Variants in CIAO2A observed in about 807,000 individuals in gnomAD.
CIAO2A encodes the protein cytosolic iron-sulfur assembly component 2A, also known as MIP18 family protein FAM96A.
CIAO2A carries 17 observed loss-of-function variants against 22.4 expected under a neutral mutation model. That is an observed-to-expected ratio of 0.76 (90% CI 0.52 to 1.14). CIAO2A has a LOEUF of 1.14. Ranked by LOEUF, CIAO2A falls within the 50% of genes most tolerant of loss-of-function variation. The pLI, the probability that CIAO2A is intolerant of heterozygous loss-of-function variation, is 0.00. For synonymous variants in CIAO2A, 74 were observed against 72.3 expected (o/e 1.02, Z -0.12); for missense variants, 192 against 191.4 (o/e 1.00, Z -0.02).
chr15:64,089,853 A>G (rs1313645852), intron 1 of CIAO2A, among the ~76,000 whole-genome samples: 4 of 152,240 alleles, frequency 2.6e-5, no homozygotes, highest in Non-Finnish European at 5.9e-5. Flanking sequence ...GGTGGGGCAT[A>G]GAGCAAATGA....
chr15:64,088,893 C>G (rs1364224825), intron 1 of CIAO2A, 42 bp from the exon 2 acceptor site: 3 of 1,558,482 alleles, frequency 1.9e-6, no homozygotes, highest in South Asian at 1.2e-5. Context: ...TAAAACATGA[C>G]TATTCTAAAT....
chr15:64,081,041 AATT>A (rs1464262434), intron 3 of CIAO2A, 58 bp downstream of exon 3: 11 of 1,511,122 alleles, frequency 7.3e-6, no homozygotes, highest in Admixed American at 1.7e-5. Flanking sequence ...GTGGTATGTG[AATT>A]ATATCTCAAC....
intron 4 of CIAO2A, chr15:64,073,805 T>C (rs2080693908): frequency 6.6e-6 from 1 of 152,202 alleles, no homozygotes; most frequent in African/African-American, 2.4e-5. Flanking sequence ...CCCAGGCTAG[T>C]CTTGAAATCC....
intron 2 of CIAO2A, among the ~76,000 whole-genome samples, chr15:64,086,555 T>C (rs114933370): frequency 0.011 from 1,730 of 152,040 alleles, 30 homozygotes; most frequent in African/African-American, 0.04. Flanking sequence ...TCACAAATTG[T>C]CCAATGACCA....
At chr15:64,074,616 C>T (rs1391847930) in intron 4 of CIAO2A, 1 of 152,134 alleles carries the variant, frequency 6.6e-6, no homozygotes. Flanking sequence ...ATAAATAGGG[C>T]ATGGTTTTTA....
chr15:64,091,539 T>C (rs1204885517), intron 1 of CIAO2A, among the ~76,000 whole-genome samples: 1 of 151,020 alleles, frequency 6.6e-6, no homozygotes, highest in Non-Finnish European at 1.5e-5. Flanking sequence ...GGCAAGAAAG[T>C]CGACAAAGCT....
intron 2 of CIAO2A, among the ~76,000 whole-genome samples, chr15:64,086,953 C>T (rs955618171): frequency 2.1e-5 from 3 of 142,192 alleles, no homozygotes; most frequent in Non-Finnish European, 3.1e-5. Flanking sequence ...CTCTTGTTGC[C>T]CAGGTTGGTG....
At chr15:64,077,285 G>A (rs995486821) in intron 3 of CIAO2A, among the ~76,000 whole-genome samples, 1 of 148,982 alleles carries the variant, frequency 6.7e-6, no homozygotes, top group Non-Finnish European at 1.5e-5. Flanking sequence ...GTGACAGAGC[G>A]AGACTCCGTC....
At chr15:64,088,882 T>A (rs759190098) in intron 1 of CIAO2A, 31 bp from the exon 2 acceptor site, 1 of 1,580,734 alleles carries the variant, frequency 6.3e-7, no homozygotes, top group Admixed American at 1.9e-5. Flanking sequence ...AGATATTCTA[T>A]TAAAACATGA....
At chr15:64,078,639 C>CAAAAAAAAAAAAA (rs56266808) in intron 3 of CIAO2A, among the ~76,000 whole-genome samples, 11 of 129,070 alleles carry the variant, frequency 8.5e-5, no homozygotes, top group Non-Finnish European at 9.6e-5. Context: ...CCATCGCAAA[C>CAAAAAAAAAAAAA]AAAAAAAAAA....
intron 3 of CIAO2A, among the ~76,000 whole-genome samples, chr15:64,080,597 G>A (rs1025425966): frequency 1.3e-5 from 2 of 152,196 alleles, no homozygotes; most frequent in East Asian, 1.9e-4. Context: ...CAGGAGAATC[G>A]CTTGAACCTG....
chr15:64,074,941 A>G (rs1306544996), intron 4 of CIAO2A: 2 of 152,174 alleles, frequency 1.3e-5, no homozygotes, highest in East Asian at 3.8e-4. Context: ...CATTAAAATT[A>G]TGTTTTTAAT....
chr15:64,073,068 T>G, intron 4 of CIAO2A, 40 bp from the exon 5 acceptor site: 1 of 1,354,576 alleles, frequency 7.4e-7, no homozygotes, highest in Non-Finnish European at 1.1e-6. Context: ...AAGAACTGTG[T>G]CAATATACAG....
At chr15:64,088,530 CAGA>C (rs1409113486) in intron 2 of CIAO2A, among the ~76,000 whole-genome samples, 154 bp downstream of exon 2, 1 of 152,282 alleles carries the variant, frequency 6.6e-6, no homozygotes, top group East Asian at 1.9e-4. Context: ...GTGAGGACTA[CAGA>C]AGATGAATAC....
chr15:64,082,813 T>G (rs1015718835), intron 2 of CIAO2A, among the ~76,000 whole-genome samples: 1 of 152,156 alleles, frequency 6.6e-6, no homozygotes, highest in East Asian at 1.9e-4. Flanking sequence ...CTGAGATACT[T>G]TGGGTTTCAA....
chr15:64,090,563 A>G (rs2080832766), intron 1 of CIAO2A, among the ~76,000 whole-genome samples: 1 of 152,202 alleles, frequency 6.6e-6, no homozygotes, highest in Admixed American at 6.5e-5. Flanking sequence ...AGCAAAAAGA[A>G]CTAGAGGAGG....
intron 2 of CIAO2A, among the ~76,000 whole-genome samples, chr15:64,087,160 C>T (rs182254527): frequency 1.0e-3 from 141 of 139,696 alleles, no homozygotes; most frequent in South Asian, 1.8e-3. Flanking sequence ...GGTGCAATCT[C>T]GGCTCACTGC....
At chr15:64,076,243 T>C (rs1008102649) in intron 3 of CIAO2A, among the ~76,000 whole-genome samples, 3 of 152,154 alleles carry the variant, frequency 2.0e-5, no homozygotes, top group Non-Finnish European at 4.4e-5. Context: ...ACTCAGGAAA[T>C]CTACAATAAC....
chr15:64,073,863 A>G (rs2080694282), intron 4 of CIAO2A: 1 of 152,202 alleles, frequency 6.6e-6, no homozygotes, highest in Non-Finnish European at 1.5e-5. Flanking sequence ...TTGGCCTCCC[A>G]AAGTGCTAGG....
Sources: gnomAD v4.1 joint callset for allele counts (sites outside exome capture counted in the v4.1 genomes callset) on GRCh38, gnomAD v4.1.1 for gene constraint, MANE v1.5 for transcripts, NCBI Gene and HGNC (gene_info 2026-07-23, HGNC 2026-07-21) for gene names.